The following CCDC6 variants were observed in gnomAD, a reference collection of about 807,000 sequenced individuals.
CCDC6 encodes coiled-coil domain containing 6.
A neutral mutation model predicts 56.6 loss-of-function variants in CCDC6; 20 were observed. That is an observed-to-expected ratio of 0.35 (90% CI 0.25 to 0.51). The LOEUF (loss-of-function observed/expected upper bound fraction) is 0.51. Among genes scored for constraint, CCDC6 ranks in the 20% least tolerant of loss-of-function variants. CCDC6 has a pLI of 0.95. For missense variants in CCDC6, 367 were observed against 601.1 expected (o/e 0.61, Z 4.07); for synonymous variants, 241 against 234.4 (o/e 1.03, Z -0.26).
chr10:59,848,218 T>C (rs576287300), intron 2 of CCDC6, among the ~76,000 whole-genome samples: 1 of 152,340 alleles, frequency 6.6e-6, no homozygotes, highest in Non-Finnish European at 1.5e-5. Context: ...GTAATTTTCT[T>C]ACTTGTTCTT....
intron 1 of CCDC6, among the ~76,000 whole-genome samples, chr10:59,866,891 C>T (rs1213049418): frequency 6.6e-6 from 1 of 152,204 alleles, no homozygotes; most frequent in Non-Finnish European, 1.5e-5. Flanking sequence ...AGCTCATCTT[C>T]AGAATGACAA....
chr10:59,825,226 G>C (rs1028716179), intron 3 of CCDC6, among the ~76,000 whole-genome samples: 4 of 152,222 alleles, frequency 2.6e-5, no homozygotes, highest in African/African-American at 9.6e-5. Flanking sequence ...ACTGGTGGGA[G>C]ATAATTGAAT....
intron 5 of CCDC6, among the ~76,000 whole-genome samples, chr10:59,809,936 A>G (rs1459995284): frequency 1.3e-5 from 2 of 152,202 alleles, no homozygotes; most frequent in Non-Finnish European, 2.9e-5. Flanking sequence ...CACAGATTCC[A>G]AAGAGGTGGC....
At chr10:59,870,458 G>T (rs916934115) in intron 1 of CCDC6, among the ~76,000 whole-genome samples, 6 of 152,106 alleles carry the variant, frequency 3.9e-5, no homozygotes, top group Non-Finnish European at 7.4e-5. Context: ...ACTATACTTG[G>T]TAGCTCTAAC....
intron 1 of CCDC6, among the ~76,000 whole-genome samples, chr10:59,861,757 C>T (rs1347176603): frequency 6.6e-6 from 1 of 152,126 alleles, no homozygotes; most frequent in South Asian, 2.1e-4. Flanking sequence ...AAAGATAAGT[C>T]AACAGAAATT....
intron 1 of CCDC6, among the ~76,000 whole-genome samples, chr10:59,894,355 G>A (rs759030772): frequency 3.3e-5 from 5 of 152,158 alleles, no homozygotes; most frequent in African/African-American, 4.8e-5. Context: ...GGAGTGCCTT[G>A]TCCAATCATT....
chr10:59,885,923 C>CCG (rs2071380345), intron 1 of CCDC6, among the ~76,000 whole-genome samples: 1 of 14,538 alleles, frequency 6.9e-5, no homozygotes, highest in Non-Finnish European at 1.3e-4. Flanking sequence ...CCGCCCCCCG[C>CCG]CCCCCCAACT....
At chr10:59,816,135 A>G (rs145666151) in intron 3 of CCDC6, among the ~76,000 whole-genome samples, 1 of 152,310 alleles carries the variant, frequency 6.6e-6, no homozygotes, top group African/African-American at 2.4e-5. Flanking sequence ...CAGCCAATGA[A>G]GGTGAGCAGC....
intron 1 of CCDC6, among the ~76,000 whole-genome samples, chr10:59,866,640 T>C (rs1222132115): frequency 6.6e-6 from 1 of 152,130 alleles, no homozygotes; most frequent in East Asian, 1.9e-4. Context: ...ATAGGGAAAC[T>C]AGCTCAGAGA....
intron 3 of CCDC6, among the ~76,000 whole-genome samples, chr10:59,819,576 T>G (rs1227310606): frequency 2.0e-5 from 3 of 152,212 alleles, no homozygotes; most frequent in Non-Finnish European, 4.4e-5. Context: ...ATGCTTACAC[T>G]GTCCTGGTCA....
At chr10:59,820,046 T>C (rs2070738218) in intron 3 of CCDC6, among the ~76,000 whole-genome samples, 1 of 151,834 alleles carries the variant, frequency 6.6e-6, no homozygotes, top group African/African-American at 2.4e-5. Flanking sequence ...ACTTCTTCAA[T>C]GAATAAACTT....
In CCDC6 at chr10:59,789,826, G is replaced by A. The variant is rs1396376264; in HGVS notation, c.*3091C>T. On this transcript the variant is annotated 3_prime_UTR_variant, in exon 9 of 9. Transcript: ENST00000263102. ...GAAAAGTTCATGTCTACCTAACAAAGGGTGATACATGTTCTATTTTCCTAC... is the reference window on the plus strand; with the variant it reads ...GAAAAGTTCATGTCTACCTAACAAAAGGTGATACATGTTCTATTTTCCTAC... 4.1e-5 allele frequency: 9 copies of A among 218,860 alleles called. No homozygotes were observed. The highest frequency in any genetic ancestry group is 5.5e-5 in the Non-Finnish European group (6 of 108,874). 13.6% of individuals were successfully genotyped at this position (218,860 alleles called of 1,614,324 possible). A position where few individuals can be genotyped will look rare whatever the true frequency, so the allele number is the denominator to read the frequency against.
At chr10:59,868,612 AC>A (rs750677908) in intron 1 of CCDC6, among the ~76,000 whole-genome samples, 6 of 151,946 alleles carry the variant, frequency 3.9e-5, no homozygotes, top group Non-Finnish European at 8.8e-5. Flanking sequence ...TGGCATGACA[AC>A]TCTAATTTAA....
chr10:59,886,808 C>T (rs2071386049), intron 1 of CCDC6, among the ~76,000 whole-genome samples: 1 of 152,000 alleles, frequency 6.6e-6, no homozygotes, highest in Admixed American at 6.6e-5. Context: ...CCAAGGTCCC[C>T]AAAGACAAAC....
chr10:59,865,109 G>A (rs541415272), intron 1 of CCDC6, among the ~76,000 whole-genome samples: 3 of 152,134 alleles, frequency 2.0e-5, no homozygotes, highest in Admixed American at 6.5e-5. Context: ...AGCTATTTAC[G>A]AGAAACCTAT....
chr10:59,891,888 C>T (rs1385198828), intron 1 of CCDC6, among the ~76,000 whole-genome samples: 1 of 152,190 alleles, frequency 6.6e-6, no homozygotes, highest in African/African-American at 2.4e-5. Flanking sequence ...GAAAAGCATG[C>T]TCCTCAATCT....
rs554042365 is a variant in CCDC6 at position 59,847,304 on chromosome 10, C to T, written c.453+5249G>A. Among the ~76,000 whole-genome samples the T allele has an allele frequency of 2.6e-5, 4 of 152,166 alleles. No homozygotes were observed. The South Asian group carries it at 6.2e-4, about 24-fold the overall frequency. On this transcript the variant is annotated intron_variant, in intron 2 of 8. Transcript: ENST00000263102. ...TCCTGACCTCGTGATCCGCCCGCCT[C>T]GGCCTCCCAAAGTGTTGGGATTACA...
chr10:59,794,503 C>T lies in CCDC6; in HGVS notation c.1200G>A (p.Val400=). The T allele has an allele frequency of 6.2e-7, 1 of 1,614,154 alleles. No individual in the cohort carries two copies. The highest frequency in any genetic ancestry group is 8.5e-7 in the Non-Finnish European group (1 of 1,179,980). ...MSYYNSPGLH[V]QHMGTSHGIT... is the part of the protein sequence containing the mutation. ...TACCATGGGATGTTCCCATGTGCTG[C>T]ACGTGAAGACCCGGGGAATTGTAAT... The change falls in exon 8 of 9, where the codon GTG becomes GTA. Residue 400 remains valine (V), a synonymous_variant. Coordinates refer to ENST00000263102, the MANE Select transcript of CCDC6 (RefSeq NM_005436.5).
chr10:59,849,045 C>A (rs1450885899), intron 2 of CCDC6, among the ~76,000 whole-genome samples: 1 of 152,228 alleles, frequency 6.6e-6, no homozygotes, highest in Admixed American at 6.5e-5. Context: ...ATTTTGCTCA[C>A]AAACACTTCT....
Sources: gnomAD v4.1 joint callset for allele counts (sites outside exome capture counted in the v4.1 genomes callset) on GRCh38, gnomAD v4.1.1 for gene constraint, MANE v1.5 for transcripts, NCBI Gene and HGNC (gene_info 2026-07-23, HGNC 2026-07-21) for gene names.